The following MYO18B variants were observed in gnomAD, a reference collection of about 807,000 sequenced individuals.
The protein encoded by MYO18B is unconventional myosin-XVIIIb.
Under a neutral mutation model 273.0 loss-of-function variants are expected in MYO18B, and 204 were observed. The observed-to-expected ratio is 0.75, with a 90% CI of 0.67 to 0.84. The LOEUF (loss-of-function observed/expected upper bound fraction) is 0.84, where lower values mean the gene tolerates loss of function less well. Among genes scored for constraint, MYO18B ranks in the 40% least tolerant of loss-of-function variants. The pLI is 0.00. For synonymous variants in MYO18B, 1,330 were observed against 1,305.7 expected, an observed-to-expected ratio of 1.02 and a Z score of -0.40; for missense variants, 3,212 against 3,287.6, an observed-to-expected ratio of 0.98 and a Z score of 0.56.
intron 39 of MYO18B, among the ~76,000 whole-genome samples, chr22:25,966,361 G>A (rs2092978144): frequency 6.6e-6 from 1 of 152,182 alleles, no homozygotes; most frequent in Non-Finnish European, 1.5e-5. Context: ...CAAACCCACA[G>A]TGAAGGGGTT....
At chr22:25,909,679 A>G (rs192024429) in intron 32 of MYO18B, among the ~76,000 whole-genome samples, 3 of 152,318 alleles carry the variant, frequency 2.0e-5, no homozygotes, top group Admixed American at 2.0e-4. Flanking sequence ...TTTTCTCTGG[A>G]TAGATTTATA....
chr22:25,928,600 C>T (rs925398829), intron 34 of MYO18B, among the ~76,000 whole-genome samples: 1 of 151,986 alleles, frequency 6.6e-6, no homozygotes, highest in African/African-American at 2.4e-5. Flanking sequence ...CTCCCAGTTT[C>T]CCTCCACTGG....
At chr22:26,059,347 C>T in the MYO18B span, among the ~76,000 whole-genome samples, 140 of 152,224 alleles carry the variant, frequency 9.2e-4, no homozygotes, top group African/African-American at 3.0e-3. Flanking sequence ...GTGAATGAGA[C>T]GGAGATTGTG....
chr22:25,843,799 G>C lies in MYO18B; in HGVS notation c.3273G>C (p.Trp1091Cys), dbSNP rs1601322600. 1.2e-6 allele frequency: 2 copies of C among 1,613,918 alleles called. No homozygotes were observed. Among genetic ancestry groups the C allele is most frequent in the East Asian group, 4.5e-5 (2 of 44,880 alleles). ...LQCEIFHQLG[W>C]DPVRYDLTGW... is the part of the protein sequence containing the mutation. ...GTGAGATTTTCCACCAGTTGGGATG[G>C]GACCCTGTGCGGTACGACCTCACGG... The change falls in exon 18 of 44, where the codon TGG becomes TGC. Residue 1091 changes from tryptophan to cysteine, a missense_variant. Physicochemically the swap from Trp to Cys is radical, Grantham distance 215. Coordinates refer to ENST00000335473, the MANE Select transcript of MYO18B (RefSeq NM_032608.7).
intron 18 of MYO18B, among the ~76,000 whole-genome samples, chr22:25,845,664 A>C (rs115082810): frequency 0.012 from 1,893 of 152,340 alleles, 35 homozygotes; most frequent in African/African-American, 0.043. Context: ...TTGCAGCTCC[A>C]GAAACTGTGT....
chr22:25,836,167 T>G (rs2089893710), intron 17 of MYO18B, among the ~76,000 whole-genome samples: 1 of 152,154 alleles, frequency 6.6e-6, no homozygotes, highest in South Asian at 2.1e-4. Flanking sequence ...CAGAACAAAG[T>G]GATCATGAGA....
chr22:25,989,428 G>T (rs907733190), intron 39 of MYO18B, among the ~76,000 whole-genome samples: 1 of 152,030 alleles, frequency 6.6e-6, no homozygotes, highest in Non-Finnish European at 1.5e-5. Context: ...AAAGATACAG[G>T]TGCCACATCT....
intron 7 of MYO18B, 57 bp downstream of exon 7, chr22:25,772,567 G>T (rs1236047464): frequency 1.7e-5 from 26 of 1,517,564 alleles, no homozygotes; most frequent in Non-Finnish European, 2.3e-5. Context: ...GGGCCTGGGG[G>T]GATCCCTCTG....
At chr22:25,830,510 G>A (rs1027554325) in intron 15 of MYO18B, among the ~76,000 whole-genome samples, 12 of 152,166 alleles carry the variant, frequency 7.9e-5, no homozygotes, top group South Asian at 2.1e-4. Flanking sequence ...GGCAGGGCTC[G>A]CTCATGCGTG....
chr22:25,754,448 G>C (rs1036374818), intron 1 of MYO18B, among the ~76,000 whole-genome samples: 1 of 152,120 alleles, frequency 6.6e-6, no homozygotes, highest in Admixed American at 6.5e-5. Context: ...TGGACATTGT[G>C]GGGTAGTGGG....
At chr22:26,000,629 T>C (rs1356968057) in intron 40 of MYO18B, among the ~76,000 whole-genome samples, 1 of 151,038 alleles carries the variant, frequency 6.6e-6, no homozygotes, top group Non-Finnish European at 1.5e-5. Flanking sequence ...TCATTGCGGA[T>C]CATCTCATGA....
chr22:25,765,322 A>G (rs2086466175), intron 3 of MYO18B, among the ~76,000 whole-genome samples: 2 of 152,250 alleles, frequency 1.3e-5, no homozygotes, highest in African/African-American at 4.8e-5. Flanking sequence ...ATCAATAAAT[A>G]ACTCCGTACT....
chr22:25,835,844 A>G (rs879668030), intron 17 of MYO18B, among the ~76,000 whole-genome samples: 1 of 152,234 alleles, frequency 6.6e-6, no homozygotes, highest in Admixed American at 6.5e-5. Flanking sequence ...GATGCAGGAC[A>G]AGTTTGGAGA....
intron 9 of MYO18B, among the ~76,000 whole-genome samples, chr22:25,780,986 TTAGAAGGGTTGTTTGTAAC>T (rs1335874984): frequency 6.6e-6 from 1 of 152,196 alleles, no homozygotes; most frequent in African/African-American, 2.4e-5. Context: ...GATTAGGTTA[TTAGAAGGGTTGTTTGTAAC>T]ATGGAGCTGG....
intron 21 of MYO18B, among the ~76,000 whole-genome samples, chr22:25,861,699 C>T (rs951555475): frequency 2.6e-5 from 4 of 152,190 alleles, no homozygotes; most frequent in African/African-American, 9.6e-5. Context: ...TTCACGCCTT[C>T]TTTTAGTCCT....
At chr22:25,952,138 T>G in intron 37 of MYO18B, 148 bp from the exon 38 acceptor site, 1 of 873,684 alleles carries the variant, frequency 1.1e-6, no homozygotes, top group Non-Finnish European at 1.7e-6. Flanking sequence ...CATTCTTGCT[T>G]GTGCAGACAT....
intron 11 of MYO18B, among the ~76,000 whole-genome samples, chr22:25,786,303 A>G (rs1019535684): frequency 6.6e-6 from 1 of 152,156 alleles, no homozygotes; most frequent in African/African-American, 2.4e-5. Flanking sequence ...GCACCACAAG[A>G]TAGCTGATAG....
At chr22:26,049,609 A>C in the MYO18B span, among the ~76,000 whole-genome samples, 4 of 152,244 alleles carry the variant, frequency 2.6e-5, no homozygotes. Context: ...TCATAAGTAC[A>C]GAAGTGAGAC....
rs1292119004 is a variant in MYO18B at position 25,903,715 on chromosome 22, C to T, written c.5032C>T (p.Leu1678=). The change falls in exon 31 of 44, where the codon CTG becomes TTG. Residue 1678 remains leucine (L), a synonymous_variant. Transcript: ENST00000335473. Reference sequence around the variant, plus strand: ...ACGGGAGCTGCTGGGGTCACCCTCTCTGGGGGAAAATTGCGTTGCTGGCTT... The same window carrying T: ...ACGGGAGCTGCTGGGGTCACCCTCTTTGGGGGAAAATTGCGTTGCTGGCTT... ...HKRELLGSPS[L]GENCVAGLKE... 1 of 1,608,676 alleles carries T rather than the reference C, an allele frequency of 6.2e-7. No homozygotes were observed. The highest frequency in any genetic ancestry group is 1.7e-5 in the Admixed American group (1 of 59,392).
Sources: gnomAD v4.1 joint callset for allele counts (sites outside exome capture counted in the v4.1 genomes callset) on GRCh38, gnomAD v4.1.1 for gene constraint, MANE v1.5 for transcripts, NCBI Gene and HGNC (gene_info 2026-07-23, HGNC 2026-07-21) for gene names.